UNC13C: variants seen among roughly 807,000 people sequenced by gnomAD.
UNC13C encodes the protein protein unc-13 homolog C.
UNC13C carries 174 observed loss-of-function variants against 245.4 expected under a neutral mutation model. The ratio of observed to expected loss-of-function variants is 0.71; its 90% confidence interval spans 0.63 to 0.80. The LOEUF is 0.80. Among genes scored for constraint, UNC13C ranks in the 30% least tolerant of loss-of-function variants. The pLI is 0.00. For missense variants in UNC13C, 2,829 were observed against 2,602.9 expected (o/e 1.09, Z -1.89); for synonymous variants, 992 against 895.1 (o/e 1.11, Z -1.93).
intron 2 of UNC13C, among the ~76,000 whole-genome samples, chr15:54,132,383 T>C (rs1323581202): frequency 6.6e-6 from 1 of 152,146 alleles, no homozygotes; most frequent in African/African-American, 2.4e-5. Flanking sequence ...TCAGTTTTTT[T>C]AGATTACTGT....
chr15:54,589,587 G>A (rs772714400), intron 30 of UNC13C, among the ~76,000 whole-genome samples: 14 of 151,814 alleles, frequency 9.2e-5, no homozygotes, highest in Admixed American at 1.3e-4. Context: ...ATGAGCCACC[G>A]CGCCCAGCCA....
the UNC13C span, among the ~76,000 whole-genome samples, chr15:53,915,758 G>T: frequency 6.6e-6 from 1 of 152,190 alleles, no homozygotes. Context: ...CAAAGTTGTT[G>T]CATTGTAGTG....
At chr15:53,925,421 G>T in the UNC13C span, among the ~76,000 whole-genome samples, 33,647 of 152,092 alleles carry the variant, frequency 0.22, 4,702 homozygotes, top group Non-Finnish European at 0.31. Flanking sequence ...CCATGAGCCA[G>T]AGGCTTGTTT....
At chr15:54,426,023 C>T (rs991346096) in intron 19 of UNC13C, among the ~76,000 whole-genome samples, 2 of 151,648 alleles carry the variant, frequency 1.3e-5, no homozygotes, top group Admixed American at 6.6e-5. Flanking sequence ...TTTCTCATGA[C>T]TCTAACAATG....
At chr15:54,612,052 ATTTT>A (rs1900130817) in intron 30 of UNC13C, among the ~76,000 whole-genome samples, 1 of 112,912 alleles carries the variant, frequency 8.9e-6, no homozygotes, top group East Asian at 3.3e-4. Flanking sequence ...TTCAACCAGA[ATTTT>A]ATAAAACACC....
rs140334792 is a variant in UNC13C at position 54,587,510 on chromosome 15, G to A, written c.6106+19563G>A. Among the ~76,000 whole-genome samples the A allele has an allele frequency of 2.5e-3, 388 of 152,294 alleles. 1 individual carries two copies. Among genetic ancestry groups the A allele is most frequent in the African/African-American group, 8.4e-3 (348 of 41,554 alleles). The stretch of plus-strand genomic sequence containing the variant: ...TGATAGTTTAAAAGATAATGTAGTC[G>A]TATAACTTCCACATATAGATAGTAA... On this transcript the variant is annotated intron_variant, in intron 30 of 32. Coordinates refer to ENST00000260323, the MANE Select transcript of UNC13C (RefSeq NM_001080534.3).
At chr15:54,608,563 T>C (rs1456080606) in intron 30 of UNC13C, among the ~76,000 whole-genome samples, 3 of 152,224 alleles carry the variant, frequency 2.0e-5, no homozygotes, top group Non-Finnish European at 4.4e-5. Flanking sequence ...TCTCATCACC[T>C]AGCAAAGTGG....
intron 1 of UNC13C, among the ~76,000 whole-genome samples, chr15:53,988,756 T>G (rs1250972904): frequency 6.6e-6 from 1 of 151,968 alleles, no homozygotes. Flanking sequence ...AGGGAAAATC[T>G]ACTGTTTGTT....
At chr15:53,895,705 C>A in the UNC13C span, among the ~76,000 whole-genome samples, 1 of 151,980 alleles carries the variant, frequency 6.6e-6, no homozygotes, top group South Asian at 2.1e-4. Flanking sequence ...GCATTACAGA[C>A]GAGAAGGATT....
intron 1 of UNC13C, among the ~76,000 whole-genome samples, chr15:54,010,474 T>C (rs536546212): frequency 1.3e-5 from 2 of 151,914 alleles, no homozygotes; most frequent in African/African-American, 4.8e-5. Context: ...AAGAGACATG[T>C]GAATAGAGAG....
intron 14 of UNC13C, among the ~76,000 whole-genome samples, chr15:54,325,044 T>C (rs887625805): frequency 2.6e-5 from 4 of 152,030 alleles, no homozygotes; most frequent in South Asian, 2.1e-4. Flanking sequence ...TCTTTTTCTA[T>C]TGTGGCTCAT....
At chr15:53,864,289 A>G in the UNC13C span, among the ~76,000 whole-genome samples, 1 of 152,212 alleles carries the variant, frequency 6.6e-6, no homozygotes, top group Non-Finnish European at 1.5e-5. Context: ...GTGATCACAA[A>G]TGAGTATTTT....
chr15:54,191,765 C>T (rs1872070001), intron 4 of UNC13C, among the ~76,000 whole-genome samples: 1 of 152,116 alleles, frequency 6.6e-6, no homozygotes. Flanking sequence ...GAGATGGTGT[C>T]TCATTGTGGT....
intron 14 of UNC13C, among the ~76,000 whole-genome samples, chr15:54,323,430 G>A (rs188688078): frequency 2.0e-5 from 3 of 151,972 alleles, no homozygotes; most frequent in Admixed American, 6.6e-5. Context: ...CAGTTTAGTC[G>A]TCTAAGCCTC....
intron 26 of UNC13C, among the ~76,000 whole-genome samples, chr15:54,537,077 C>A (rs1896018635): frequency 6.6e-6 from 1 of 152,026 alleles, no homozygotes; most frequent in African/African-American, 2.4e-5. Flanking sequence ...CATACAAAAC[C>A]CTATAGTCTC....
chr15:54,596,823 C>T (rs1899108794), intron 30 of UNC13C, among the ~76,000 whole-genome samples: 1 of 152,166 alleles, frequency 6.6e-6, no homozygotes, highest in South Asian at 2.1e-4. Context: ...CAGCTACTTC[C>T]CCTTTGCCTT....
At position 54,463,304 on chromosome 15, in the gene UNC13C, A is replaced by T. The variant is rs111812273; in HGVS notation, c.4934-31304A>T. On this transcript the variant is annotated intron_variant, in intron 19 of 32. Transcript: ENST00000260323. ...GGGGCCGGTCAGGTAAGGGAATAAA[A>T]GCAGGCTGCCTGAAGCAGCAGTAGC... is the stretch of plus-strand genomic sequence containing the variant. Among the ~76,000 whole-genome samples, 1,206 of 131,958 alleles carry T rather than the reference A, an allele frequency of 9.1e-3. 11 individuals are homozygous for T. The highest frequency in any genetic ancestry group is 0.015 in the Non-Finnish European group (942 of 62,804). 86.6% of individuals were successfully genotyped at this position (131,958 alleles called of 152,430 possible). A position where few individuals can be genotyped will look rare whatever the true frequency, so the allele number is the denominator to read the frequency against.
chr15:54,126,330 T>C (rs978996593), intron 2 of UNC13C, among the ~76,000 whole-genome samples: 2 of 152,152 alleles, frequency 1.3e-5, no homozygotes, highest in African/African-American at 4.8e-5. Context: ...ACAGTAGCCA[T>C]GCTAATATTA....
chr15:54,139,560 C>T lies in UNC13C; in HGVS notation c.2984-3458C>T, dbSNP rs535094506. On this transcript the variant is annotated intron_variant, in intron 2 of 32. Transcript: ENST00000260323. Reference sequence around the variant, plus strand: ...AACTTGTATTATTACAATTTTCATGCTCATCAACTATGCATGATAGTGTTT... The same window carrying T: ...AACTTGTATTATTACAATTTTCATGTTCATCAACTATGCATGATAGTGTTT... Among the ~76,000 whole-genome samples, 4 of 152,282 alleles carry T rather than the reference C, an allele frequency of 2.6e-5. No individual in the cohort carries two copies. In the South Asian group the frequency reaches 8.3e-4, roughly 32 times the overall value.
Sources: gnomAD v4.1 joint callset for allele counts (sites outside exome capture counted in the v4.1 genomes callset) on GRCh38, gnomAD v4.1.1 for gene constraint, MANE v1.5 for transcripts, NCBI Gene and HGNC (gene_info 2026-07-23, HGNC 2026-07-21) for gene names.